The following NID2 variants were observed in gnomAD, a reference collection of about 807,000 sequenced individuals.
The protein encoded by NID2 is nidogen 2.
Under a neutral mutation model 145.4 loss-of-function variants are expected in NID2, and 83 were observed. The ratio of observed to expected loss-of-function variants is 0.57; its 90% CI spans 0.48 to 0.69. The LOEUF (loss-of-function observed/expected upper bound fraction) is 0.69, where lower values mean the gene tolerates loss of function less well. Ranked by LOEUF, NID2 falls within the 30% of genes least tolerant of loss-of-function variation. NID2 has a pLI of 0.00. For missense variants in NID2, 1,807 were observed against 1,765.7 expected, an observed-to-expected ratio of 1.02 and a Z score of -0.42; for synonymous variants, 739 against 701.3, an observed-to-expected ratio of 1.05 and a Z score of -0.85.
At chr14:52,044,266 C>CTTTTTT (rs55972168) in intron 5 of NID2, among the ~76,000 whole-genome samples, 7 of 113,912 alleles carry the variant, frequency 6.1e-5, no homozygotes, top group African/African-American at 1.4e-4. Flanking sequence ...ATTTAACAAC[C>CTTTTTT]TTTTTTTTTT....
intron 5 of NID2, among the ~76,000 whole-genome samples, chr14:52,044,717 ATCC>A (rs1474012707): frequency 6.6e-5 from 10 of 151,874 alleles, no homozygotes; most frequent in East Asian, 1.9e-4. Context: ...GGCTCAAGTG[ATCC>A]TCCTATTTCA....
intron 19 of NID2, chr14:52,007,517 A>C (rs1594995016): frequency 2.8e-6 from 1 of 360,794 alleles, no homozygotes; most frequent in Admixed American, 4.8e-5. Flanking sequence ...AACTTCACTT[A>C]AGTTTGTCAA....
In NID2 at chr14:52,026,471, G is replaced by A. The variant is rs191797776; in HGVS notation, c.2674+730C>T. The stretch of plus-strand genomic sequence containing the variant: ...CCCTAACTGTGTGTGTGTGACTCAC[G>A]TGAAACTGAGTTTCAATCTGATCAC... On this transcript the variant is annotated intron_variant, in intron 12 of 21. Transcript: ENST00000216286. Among the ~76,000 whole-genome samples the A allele has an allele frequency of 3.6e-3, 545 of 152,306 alleles. 11 individuals carry two copies. Among genetic ancestry groups the A allele is most frequent in the Admixed American group, 0.031 (469 of 15,300 alleles).
intron 12 of NID2, among the ~76,000 whole-genome samples, chr14:52,021,075 G>A (rs1192531784): frequency 6.6e-6 from 1 of 151,916 alleles, no homozygotes; most frequent in Non-Finnish European, 1.5e-5. Flanking sequence ...CAAGGGATGA[G>A]ATAAGCTACT....
At chr14:52,015,826 C>T (rs768482861) in intron 14 of NID2, among the ~76,000 whole-genome samples, 32 of 152,282 alleles carry the variant, frequency 2.1e-4, no homozygotes, top group Admixed American at 5.2e-4. Context: ...GAAAGCCCAG[C>T]GCCACGGTGC....
In NID2 at chr14:52,040,637, C is replaced by T. The variant is rs750571490; in HGVS notation, c.2026+14G>A. The T allele has an allele frequency of 8.1e-6, 13 of 1,609,666 alleles. No individual in the cohort carries two copies. The highest frequency in any genetic ancestry group is 2.7e-5 in the African/African-American group (2 of 74,812). On this transcript the variant is annotated intron_variant, in intron 8 of 21. Transcript: ENST00000216286. ...AATCCCCATTTTACAGATGTGAAGA[C>T]TGGTTATACATACTGGAGTCGGAGT...
chr14:52,018,571 T>C (rs147570407), intron 14 of NID2, among the ~76,000 whole-genome samples: 1 of 152,368 alleles, frequency 6.6e-6, no homozygotes, highest in East Asian at 1.9e-4. Flanking sequence ...TAGAGAAAAC[T>C]AACTGGCTCC....
intron 1 of NID2, 65 bp downstream of exon 1, chr14:52,068,702 G>T: frequency 7.0e-7 from 1 of 1,427,580 alleles, no homozygotes; most frequent in Admixed American, 1.7e-5. Context: ...TGGAGGCAGG[G>T]TTTCCGTGAG....
At position 52,007,920 on chromosome 14, in the gene NID2, G is replaced by A. The variant is rs776337558; in HGVS notation, c.3770C>T (p.Thr1257Met). 2.2e-5 allele frequency: 36 copies of A among 1,613,268 alleles called. No homozygotes were observed. Among genetic ancestry groups the A allele is most frequent in the Middle Eastern group, 1.6e-4 (1 of 6,082 alleles). The part of the protein sequence containing the change: ...DWNREAPKIE[T>M]SSLDGENRRI... ...TCTGTTTTCTCCATCTAAAGATGAC[G>A]TTTCAATTTTAGGAGCTTCTCTATT... The change falls in exon 19 of 22, where the codon ACG (threonine) becomes ATG (methionine). Residue 1257 changes from threonine to methionine, a missense_variant. Transcript: ENST00000216286.
rs1892314492 is a variant in NID2, at chr14:52,042,322, C to A, written c.1608G>T (p.Val536=). The A allele has an allele frequency of 6.2e-7, 1 of 1,612,740 alleles. No homozygotes were observed. The highest frequency in any genetic ancestry group is 1.1e-5 in the South Asian group (1 of 90,968). ...EGAPHRVNGK[V]SGHLHVGHTP... ...TATGGCCCACGTGGAGGTGGCCACT[C>A]ACTTTCCCATTCACTCGGTGAGGTG... is the stretch of plus-strand genomic sequence containing the variant. Residue 536 remains valine, a synonymous_variant, in exon 7 of 22, where the codon GTG becomes GTT. Transcript: ENST00000216286.
At position 52,015,171 on chromosome 14, in the gene NID2, C is replaced by T; in HGVS notation, c.3133G>A (p.Asp1045Asn). The T allele has an allele frequency of 6.2e-7, 1 of 1,614,120 alleles. No homozygotes were observed. Among genetic ancestry groups the T allele is most frequent in the East Asian group, 2.2e-5 (1 of 44,860 alleles). ...TGCAGGGGGATGAAGTGGCCCAGGTCATCGCACTGGGGCACGTACTGGTCA... is the reference window on the plus strand; with the variant it reads ...TGCAGGGGGATGAAGTGGCCCAGGTTATCGCACTGGGGCACGTACTGGTCA... ...RDDQYVPQCDDLGHFIPLQCH... is the reference protein window; with the variant it reads ...RDDQYVPQCDNLGHFIPLQCH... Residue 1045 changes from aspartate (D) to asparagine (N), a missense_variant, in exon 15 of 22, where the codon GAC (aspartate) becomes AAC (asparagine). Physicochemically the swap from Asp to Asn is conservative, Grantham distance 23. Transcript: ENST00000216286.
At chr14:52,019,602 C>T (rs143576230) in intron 13 of NID2, among the ~76,000 whole-genome samples, 252 of 152,326 alleles carry the variant, frequency 1.7e-3, no homozygotes, top group African/African-American at 5.8e-3. Context: ...AGCCAAAGCT[C>T]ATTCATGCCC....
chr14:52,068,344 A>T (rs1317150573), intron 1 of NID2, among the ~76,000 whole-genome samples, 181 bp from the exon 2 acceptor site: 1 of 152,186 alleles, frequency 6.6e-6, no homozygotes, highest in African/African-American at 2.4e-5. Context: ...TCCGCGCTGC[A>T]GTAGGTCCAG....
intron 9 of NID2, among the ~76,000 whole-genome samples, chr14:52,035,702 G>A (rs1029755023): frequency 1.5e-4 from 22 of 151,280 alleles, no homozygotes; most frequent in East Asian, 1.4e-3. Flanking sequence ...TTTTTGAGAC[G>A]GAGTCTCACT....
chr14:52,066,951 G>A (rs1462062151), intron 2 of NID2, among the ~76,000 whole-genome samples: 3 of 152,124 alleles, frequency 2.0e-5, no homozygotes, highest in African/African-American at 7.2e-5. Context: ...ACTTTCCGCA[G>A]GTAGAGACTG....
At chr14:52,019,635 A>T (rs1891331261) in intron 13 of NID2, among the ~76,000 whole-genome samples, 1 of 151,352 alleles carries the variant, frequency 6.6e-6, no homozygotes, top group Non-Finnish European at 1.5e-5. Context: ...GTTAAGTCTG[A>T]GAAGCTGCAA....
At chr14:52,045,174 T>TA (rs1892442709) in intron 5 of NID2, among the ~76,000 whole-genome samples, 1 of 152,180 alleles carries the variant, frequency 6.6e-6, no homozygotes, top group South Asian at 2.1e-4. Flanking sequence ...TCATACTTTA[T>TA]AAACTGGGTT....
intron 5 of NID2, among the ~76,000 whole-genome samples, chr14:52,048,979 C>T (rs1348036680): frequency 1.3e-5 from 2 of 152,108 alleles, no homozygotes; most frequent in African/African-American, 4.8e-5. Context: ...AGTCCATGGC[C>T]TCCTCTGGGA....
intron 15 of NID2, among the ~76,000 whole-genome samples, chr14:52,014,820 C>T (rs1049434335): frequency 6.6e-6 from 1 of 152,014 alleles, no homozygotes; most frequent in African/African-American, 2.4e-5. Flanking sequence ...GAGTAACTGC[C>T]TGCTGAACCG....
Sources: allele counts gnomAD v4.1 joint callset (sites outside exome capture counted in the v4.1 genomes callset), GRCh38; gene constraint gnomAD v4.1.1; transcripts MANE v1.5; gene names NCBI Gene and HGNC (gene_info 2026-07-23, HGNC 2026-07-21).